CLVS1: variants seen among roughly 807,000 people sequenced by gnomAD.
The protein encoded by CLVS1 is clavesin-1.
A neutral mutation model predicts 33.1 loss-of-function variants in CLVS1; 10 were observed. The observed-to-expected ratio is 0.30, with a 90% CI of 0.19 to 0.51. The LOEUF (loss-of-function observed/expected upper bound fraction) is 0.51. Among genes scored for constraint, CLVS1 ranks in the 20% least tolerant of loss-of-function variants. CLVS1 has a pLI of 0.97. For synonymous variants in CLVS1, 163 were observed against 166.1 expected (o/e 0.98, Z 0.14); for missense variants, 343 against 433.4 (o/e 0.79, Z 1.85).
the CLVS1 span, among the ~76,000 whole-genome samples, chr8:61,006,233 C>G: frequency 6.6e-6 from 1 of 152,134 alleles, no homozygotes; most frequent in South Asian, 2.1e-4. Flanking sequence ...GGGTAATGGC[C>G]AGAAGCCAAA....
chr8:61,028,465 T>G, the CLVS1 span, among the ~76,000 whole-genome samples: 2 of 152,192 alleles, frequency 1.3e-5, no homozygotes, highest in Non-Finnish European at 1.5e-5. Flanking sequence ...CCCAATAAAT[T>G]AGCCACGACA....
At chr8:61,379,696 A>G (rs1023145795) in intron 3 of CLVS1, among the ~76,000 whole-genome samples, 3 of 152,160 alleles carry the variant, frequency 2.0e-5, no homozygotes, top group African/African-American at 7.2e-5. Flanking sequence ...TAACATGCCA[A>G]AGATTTATTA....
At chr8:61,296,247 C>T (rs371609273) in intron 1 of CLVS1, among the ~76,000 whole-genome samples, 46 of 152,270 alleles carry the variant, frequency 3.0e-4, no homozygotes, top group Non-Finnish European at 5.1e-4. Context: ...TAAGCATTCT[C>T]CCCAGAAGCT....
chr8:61,331,496 T>C (rs1307371981), intron 2 of CLVS1, among the ~76,000 whole-genome samples: 1 of 151,440 alleles, frequency 6.6e-6, no homozygotes, highest in African/African-American at 2.4e-5. Flanking sequence ...CTTTTGTTAT[T>C]TGAATGTTTG....
chr8:61,123,676 A>G (rs1805918772), intron 1 of CLVS1, among the ~76,000 whole-genome samples: 1 of 152,160 alleles, frequency 6.6e-6, no homozygotes, highest in African/African-American at 2.4e-5. Flanking sequence ...GATTTGGGTC[A>G]TTCTTTTGTG....
At chr8:61,120,252 G>T (rs992211755) in intron 1 of CLVS1, among the ~76,000 whole-genome samples, 4 of 141,686 alleles carry the variant, frequency 2.8e-5, no homozygotes, top group Non-Finnish European at 4.6e-5. Context: ...GTCTGTATTG[G>T]TTATTCTAGT....
chr8:61,298,725 G>A (rs993856533), intron 1 of CLVS1, among the ~76,000 whole-genome samples: 4 of 152,210 alleles, frequency 2.6e-5, no homozygotes, highest in African/African-American at 9.7e-5. Context: ...AGACCAAACA[G>A]ATGTCTGCAA....
rs184299215 is a variant in CLVS1 at position 61,059,980 on chromosome 8, T to C, written c.-243+2750T>C. ...TGTGTGTGCTTCTCTAACCTCTCTT[T>C]CATGCCCTCAAGTGAATGATACAGC... is the stretch of plus-strand genomic sequence containing the variant. On this transcript the variant is annotated intron_variant, in intron 1 of 2. Transcript: ENST00000522621. 5.7e-4 allele frequency among the ~76,000 whole-genome samples: 86 copies of C among 152,204 alleles called. 1 individual carries two copies. Among genetic ancestry groups the C allele is most frequent in the African/African-American group, 1.9e-3 (81 of 41,548 alleles).
intron 5 of CLVS1, among the ~76,000 whole-genome samples, chr8:61,470,382 T>C (rs1817691677): frequency 6.6e-6 from 1 of 151,838 alleles, no homozygotes; most frequent in East Asian, 1.9e-4. Context: ...AGAAATAGAG[T>C]TGAATTAGAA....
At chr8:61,151,188 C>T (rs777717166) in intron 2 of CLVS1, among the ~76,000 whole-genome samples, 11 of 152,288 alleles carry the variant, frequency 7.2e-5, no homozygotes, top group Non-Finnish European at 1.2e-4. Context: ...TCTGAGATAA[C>T]AGTTTAGCAG....
rs140411293 is a variant in CLVS1 at position 61,404,411 on chromosome 8, A to G, written c.630+27632A>G. 1.8e-3 allele frequency among the ~76,000 whole-genome samples: 279 copies of G among 152,372 alleles called. 1 individual carries two copies. The highest frequency in any genetic ancestry group is 6.2e-3 in the African/African-American group (259 of 41,592). On this transcript the variant is annotated intron_variant, in intron 3 of 5. Coordinates refer to ENST00000325897, the MANE Select transcript of CLVS1 (RefSeq NM_173519.3). ...ATTCAAAGAATAAGTTATATTTGAT[A>G]CACACACCTCTTGATCATATTTTCA... is the stretch of plus-strand genomic sequence containing the variant.
intron 3 of CLVS1, among the ~76,000 whole-genome samples, chr8:61,405,314 T>C (rs1003317268): frequency 3.3e-5 from 5 of 152,206 alleles, no homozygotes; most frequent in Non-Finnish European, 7.3e-5. Context: ...GTTTGCCCTT[T>C]AGTCATTCTT....
intron 2 of CLVS1, among the ~76,000 whole-genome samples, chr8:61,143,966 T>C (rs1455207441): frequency 6.6e-6 from 1 of 151,068 alleles, no homozygotes; most frequent in East Asian, 1.9e-4. Context: ...ATAGCATTCT[T>C]GTTTGAATTA....
chr8:61,409,777 C>T (rs1404047263), intron 3 of CLVS1, among the ~76,000 whole-genome samples: 2 of 152,180 alleles, frequency 1.3e-5, no homozygotes, highest in African/African-American at 4.8e-5. Flanking sequence ...AGAATGTCTA[C>T]TTACCCAATA....
chr8:61,357,520 T>TTTTTTTTTTTTTTTTTTTTTTTTTTTA (rs1313368243), intron 2 of CLVS1, among the ~76,000 whole-genome samples: 1 of 136,492 alleles, frequency 7.3e-6, no homozygotes, highest in Non-Finnish European at 1.6e-5. Context: ...TTTTTTTTTT[T>TTTTTTTTTTTTTTTTTTTTTTTTTTTA]TTGAGATGGA....
intron 1 of CLVS1, among the ~76,000 whole-genome samples, chr8:61,121,030 G>A (rs1223121998): frequency 2.0e-4 from 30 of 151,302 alleles, no homozygotes; most frequent in Admixed American, 9.9e-4. Flanking sequence ...GCGAGACTCC[G>A]TGGGCGTAGG....
chr8:61,493,161 A>G (rs940995361), intron 5 of CLVS1, among the ~76,000 whole-genome samples: 1 of 152,218 alleles, frequency 6.6e-6, no homozygotes, highest in Non-Finnish European at 1.5e-5. Context: ...TATTTTATCA[A>G]TTATTTTGAT....
At chr8:61,092,046 G>A (rs540146437) in intron 1 of CLVS1, among the ~76,000 whole-genome samples, 18 of 152,068 alleles carry the variant, frequency 1.2e-4, no homozygotes, top group Non-Finnish European at 1.3e-4. Flanking sequence ...GCCAATGGGT[G>A]GCATTTAACT....
At chr8:61,321,678 C>G (rs1269973492) in intron 2 of CLVS1, among the ~76,000 whole-genome samples, 6 of 152,018 alleles carry the variant, frequency 3.9e-5, no homozygotes, top group Non-Finnish European at 5.9e-5. Context: ...CCAGGGTGAC[C>G]CTCTTCACAT....
Sources: allele counts gnomAD v4.1 joint callset (sites outside exome capture counted in the v4.1 genomes callset), GRCh38; gene constraint gnomAD v4.1.1; transcripts MANE v1.5; gene names NCBI Gene and HGNC (gene_info 2026-07-23, HGNC 2026-07-21).